Variants in ZC3H11A observed in about 807,000 individuals in gnomAD.
ZC3H11A encodes the protein zinc finger CCCH-type containing 11A.
In ZC3H11A, 22 loss-of-function variants were observed where a neutral mutation model predicts 90.8. The ratio of observed to expected loss-of-function variants is 0.24; its 90% CI spans 0.17 to 0.35. ZC3H11A has a LOEUF of 0.35. Ranked by LOEUF, ZC3H11A falls within the 10% of genes least tolerant of loss-of-function variation. The pLI, the probability that ZC3H11A is intolerant of heterozygous loss-of-function variation, is 1.00. For synonymous variants in ZC3H11A, 294 were observed against 339.8 expected (o/e 0.87, Z 1.48); for missense variants, 701 against 964.9 (o/e 0.73, Z 3.62).
At chr1:203,850,095 G>C in intron 15 of ZC3H11A, 69 bp downstream of exon 15, 1 of 1,441,700 alleles carries the variant, frequency 6.9e-7, no homozygotes, top group Non-Finnish European at 9.5e-7. Context: ...ATTGTTGCCA[G>C]TAACTTCCTG....
intron 1 of ZC3H11A, chr1:203,798,128 T>A: frequency 6.5e-7 from 1 of 1,536,158 alleles, no homozygotes. Context: ...TTACCTTGGA[T>A]GTGTCTTTAT....
At chr1:203,832,822 GGAGTA>G (rs1682834217) in intron 9 of ZC3H11A, among the ~76,000 whole-genome samples, 1 of 152,192 alleles carries the variant, frequency 6.6e-6, no homozygotes, top group Non-Finnish European at 1.5e-5. Flanking sequence ...AGTTAACATC[GGAGTA>G]GAGTACAGTT....
At chr1:203,838,871 T>A (rs1685177464) in intron 11 of ZC3H11A, among the ~76,000 whole-genome samples, 1 of 147,678 alleles carries the variant, frequency 6.8e-6, no homozygotes, top group Admixed American at 6.9e-5. Context: ...GAGAATTGTG[T>A]GAACCTGGAA....
chr1:203,833,933 A>G (rs1286058880), intron 10 of ZC3H11A, 80 bp downstream of exon 10: 2 of 1,515,434 alleles, frequency 1.3e-6, no homozygotes, highest in Non-Finnish European at 1.8e-6. Context: ...CTCTTTTTAT[A>G]CAGATCTTTG....
intron 1 of ZC3H11A, chr1:203,796,724 T>C (rs1341745198): frequency 2.8e-6 from 1 of 350,984 alleles, no homozygotes; most frequent in Admixed American, 4.7e-5. Flanking sequence ...TTACAGGCTG[T>C]AAAAGCTTCT....
rs572537750 is a variant in ZC3H11A, at chr1:203,828,197, G to A, written c.175-102G>A. The A allele has an allele frequency of 3.4e-4, 470 of 1,400,982 alleles. 2 individuals are homozygous for A. In the African/African-American group the frequency reaches 6.1e-3, roughly 18 times the overall value. 86.8% of individuals were successfully genotyped at this position (1,400,982 alleles called of 1,614,324 possible). A position where few individuals can be genotyped will look rare whatever the true frequency, so the allele number is the denominator to read the frequency against. On this transcript the variant is annotated intron_variant, in intron 4 of 17. Coordinates refer to ENST00000367210, the MANE Select transcript of ZC3H11A (RefSeq NM_001376342.1). ...AAAATCATCTCATCTCACATGCCTC[G>A]GATTTTTGAACCCTGTATGAACTTT...
At chr1:203,816,832 A>G (rs955148220) in intron 2 of ZC3H11A, 94 bp from the exon 3 acceptor site, 26 of 432,102 alleles carry the variant, frequency 6.0e-5, no homozygotes, top group Non-Finnish European at 1.0e-4. Context: ...TATTAATAAA[A>G]TTTGACTCTA....
At chr1:203,822,253 T>C (rs943117956) in intron 4 of ZC3H11A, among the ~76,000 whole-genome samples, 1 of 152,106 alleles carries the variant, frequency 6.6e-6, no homozygotes, top group African/African-American at 2.4e-5. Context: ...TAAAAACCAA[T>C]ATTGTGTCAC....
At chr1:203,831,997 C>T (rs946259265) in intron 9 of ZC3H11A, among the ~76,000 whole-genome samples, 1 of 152,146 alleles carries the variant, frequency 6.6e-6, no homozygotes, top group African/African-American at 2.4e-5. Flanking sequence ...CTGTTTATAT[C>T]CACTCAATAC....
At position 203,853,384 on chromosome 1, in the gene ZC3H11A, C is replaced by G. The variant is rs1689648310; in HGVS notation, c.*985C>G. On this transcript the variant is annotated 3_prime_UTR_variant, in exon 18 of 18. Coordinates refer to ENST00000367210, the MANE Select transcript of ZC3H11A (RefSeq NM_001376342.1). ...AGCAGTACACTGAATTGTACTGTGC[C>G]AGGGATATTGAGATGCTCTGGGGGT... 1 of 152,454 alleles carries G rather than the reference C, an allele frequency of 6.6e-6. No homozygotes were observed. The highest frequency in any genetic ancestry group is 2.1e-4 in the South Asian group (1 of 4,826). The allele number at this position is 152,454 out of a possible 1,614,324, so 9.4% of individuals were successfully genotyped here. A position where few individuals can be genotyped will look rare whatever the true frequency, so the allele number is the denominator to read the frequency against.
intron 4 of ZC3H11A, among the ~76,000 whole-genome samples, chr1:203,825,428 ATTTTTT>A (rs59157538): frequency 2.5e-5 from 2 of 81,622 alleles, no homozygotes; most frequent in African/African-American, 5.1e-5. Context: ...ACTGTGGAGG[ATTTTTT>A]TTTTTTTTTT....
chr1:203,806,154 C>A, intron 2 of ZC3H11A: 2 of 503,130 alleles, frequency 4.0e-6, no homozygotes, highest in South Asian at 3.0e-5. Flanking sequence ...GCTCAGCATC[C>A]AATCTAGAAA....
chr1:203,826,268 C>T lies in ZC3H11A; in HGVS notation c.175-2031C>T, dbSNP rs537512848. Among the ~76,000 whole-genome samples, 8 of 152,034 alleles carry T rather than the reference C, an allele frequency of 5.3e-5. No individual in the cohort carries two copies. In the South Asian group the frequency reaches 1.7e-3, roughly 32 times the overall value. On this transcript the variant is annotated intron_variant, in intron 4 of 17. Transcript: ENST00000367210. ...TTTATTTTTACTGCTCCTTGTGGAG[C>T]AGGGCCACTCTATAGGTAGTGTGCC...
In ZC3H11A at chr1:203,851,120, G is replaced by C; in HGVS notation, c.2170G>C (p.Asp724His). 1 of 1,614,130 alleles carries C rather than the reference G, an allele frequency of 6.2e-7. No individual in the cohort carries two copies. Among genetic ancestry groups the C allele is most frequent in the Non-Finnish European group, 8.5e-7 (1 of 1,180,016 alleles). The change falls in exon 17 of 18, where the codon GAC becomes CAC. Residue 724 changes from aspartate to histidine, a missense_variant. This residue lies in a region of ZC3H11A where 91 missense variants were observed against 86.8 expected (regional missense o/e 1.05). Coordinates refer to ENST00000367210, the MANE Select transcript of ZC3H11A (RefSeq NM_001376342.1). The part of the protein sequence containing the change: ...VTVPEAENPR[D>H]SLVLPPTQSS... ...TGTGCCTGAAGCAGAAAATCCTAGA[G>C]ACAGGTAATACTTTGTAATTCTTTC...
At chr1:203,846,936 C>T (rs534252162) in intron 12 of ZC3H11A, among the ~76,000 whole-genome samples, 216 of 151,154 alleles carry the variant, frequency 1.4e-3, no homozygotes, top group Non-Finnish European at 2.5e-3. Flanking sequence ...CCCTGGGAGG[C>T]AGAGGTTGCA....
chr1:203,852,594 G>A lies in ZC3H11A; in HGVS notation c.*195G>A, dbSNP rs1249688432. 5 of 621,616 alleles carry A rather than the reference G, an allele frequency of 8.0e-6. No homozygotes were observed. In the East Asian group the frequency reaches 1.4e-4, roughly 18 times the overall value. The allele number at this position is 621,616 out of a possible 1,614,324, so 38.5% of individuals were successfully genotyped here. A position where few individuals can be genotyped will look rare whatever the true frequency, so the allele number is the denominator to read the frequency against. ...TTTAAAGTTACTTTATAACCATTTT[G>A]TCCATTTGATGCCATTGTTTATCAT... On this transcript the variant is annotated 3_prime_UTR_variant, in exon 18 of 18. Coordinates refer to ENST00000367210, the MANE Select transcript of ZC3H11A (RefSeq NM_001376342.1).
intron 10 of ZC3H11A, among the ~76,000 whole-genome samples, chr1:203,836,164 C>G (rs973528698): frequency 3.9e-5 from 6 of 152,164 alleles, no homozygotes; most frequent in Non-Finnish European, 8.8e-5. Flanking sequence ...TAGAGGATCC[C>G]TTGAGTCCAG....
chr1:203,833,954 C>G, intron 10 of ZC3H11A, 101 bp downstream of exon 10: 1 of 1,433,562 alleles, frequency 7.0e-7, no homozygotes, highest in Non-Finnish European at 9.2e-7. Flanking sequence ...TTATTGGTGC[C>G]CCTGTATTGG....
chr1:203,807,032 A>T (rs1672643020), intron 2 of ZC3H11A, among the ~76,000 whole-genome samples: 1 of 151,570 alleles, frequency 6.6e-6, no homozygotes, highest in Non-Finnish European at 1.5e-5. Flanking sequence ...CTTTTTGATT[A>T]TGTAGTGTTA....
Sources: allele counts gnomAD v4.1 joint callset (sites outside exome capture counted in the v4.1 genomes callset), GRCh38; gene constraint gnomAD v4.1.1; regional missense constraint gnomAD v4.1.1; transcripts MANE v1.5; gene names NCBI Gene and HGNC (gene_info 2026-07-23, HGNC 2026-07-21).